The following CALN1 variants were observed in gnomAD, a reference collection of about 807,000 sequenced individuals.
CALN1 encodes calneuron 1.
CALN1 carries 17 observed loss-of-function variants against 30.6 expected under a neutral mutation model. The ratio of observed to expected loss-of-function variants is 0.56; its 90% CI spans 0.38 to 0.83. The LOEUF is 0.83. Ranked by LOEUF, CALN1 falls within the 40% of genes least tolerant of loss-of-function variation. CALN1 has a pLI of 0.00. For missense variants in CALN1, 291 were observed against 354.9 expected (o/e 0.82, Z 1.45); for synonymous variants, 156 against 131.4 (o/e 1.19, Z -1.28).
intron 1 of CALN1, among the ~76,000 whole-genome samples, chr7:72,410,130 G>A (rs895561474): frequency 2.6e-5 from 4 of 152,102 alleles, no homozygotes; most frequent in African/African-American, 7.2e-5. Context: ...CAAAAAAGAC[G>A]ACAGGGCAGA....
chr7:72,288,888 A>C (rs1318222061), intron 2 of CALN1, among the ~76,000 whole-genome samples: 2 of 152,192 alleles, frequency 1.3e-5, no homozygotes, highest in African/African-American at 4.8e-5. Context: ...TACTTATGTA[A>C]ACTTTTCCAC....
intron 3 of CALN1, among the ~76,000 whole-genome samples, chr7:72,220,950 G>T (rs973682249): frequency 1.3e-5 from 2 of 152,020 alleles, no homozygotes; most frequent in Non-Finnish European, 2.9e-5. Flanking sequence ...TTAGCCCTTT[G>T]TCAGATGAGT....
intron 3 of CALN1, among the ~76,000 whole-genome samples, chr7:72,160,165 A>G (rs1787996249): frequency 6.6e-6 from 1 of 152,198 alleles, no homozygotes; most frequent in South Asian, 2.1e-4. Context: ...GATGCTAGGG[A>G]GAGATTAGAT....
chr7:72,176,541 A>C (rs10224431), intron 3 of CALN1, among the ~76,000 whole-genome samples: 38,485 of 150,922 alleles, frequency 0.25, 6,051 homozygotes, highest in East Asian at 0.68. Context: ...TCTTTCTCCC[A>C]CTCTCGCCAT....
intron 6 of CALN1, among the ~76,000 whole-genome samples, chr7:71,790,192 A>G (rs1339958534): frequency 6.6e-6 from 1 of 151,330 alleles, no homozygotes; most frequent in Non-Finnish European, 1.5e-5. Flanking sequence ...AAGAAAGAGA[A>G]AGAGAGAAAC....
chr7:72,408,999 C>G (rs914672951), intron 1 of CALN1, among the ~76,000 whole-genome samples: 4 of 151,066 alleles, frequency 2.6e-5, no homozygotes, highest in Non-Finnish European at 1.5e-5. Flanking sequence ...TTTTTTGGGG[C>G]AGGGGGGCAG....
intron 3 of CALN1, among the ~76,000 whole-genome samples, chr7:72,245,119 C>A (rs1795073916): frequency 2.0e-5 from 3 of 152,180 alleles, no homozygotes; most frequent in African/African-American, 7.2e-5. Context: ...GTGACGTAGA[C>A]AGAACAATCC....
chr7:71,850,493 C>A (rs1055441494), intron 5 of CALN1, among the ~76,000 whole-genome samples: 6 of 152,224 alleles, frequency 3.9e-5, no homozygotes, highest in Admixed American at 3.9e-4. Flanking sequence ...GCTGGGATTA[C>A]AGGCGTGGGC....
intron 5 of CALN1, among the ~76,000 whole-genome samples, chr7:71,943,550 C>A (rs531921952): frequency 2.0e-5 from 3 of 147,614 alleles, no homozygotes; most frequent in Non-Finnish European, 4.6e-5. Context: ...AAGTCATTCT[C>A]GTGCCTCAGC....
intron 2 of CALN1, among the ~76,000 whole-genome samples, chr7:72,344,132 A>T (rs1802508123): frequency 6.6e-6 from 1 of 152,222 alleles, no homozygotes; most frequent in South Asian, 2.1e-4. Flanking sequence ...AGAGAGAGAC[A>T]GGGAGAAAAA....
chr7:72,384,410 A>C (rs368447553), intron 2 of CALN1, among the ~76,000 whole-genome samples: 1 of 152,232 alleles, frequency 6.6e-6, no homozygotes, highest in East Asian at 1.9e-4. Flanking sequence ...AAAAAGGTAA[A>C]GAAGAGAGGA....
At chr7:72,454,288 A>G in the CALN1 span, among the ~76,000 whole-genome samples, 1 of 152,292 alleles carries the variant, frequency 6.6e-6, no homozygotes, top group Non-Finnish European at 1.5e-5. Flanking sequence ...CTAAGAGATG[A>G]CTGTGGTGTC....
chr7:72,288,020 T>C (rs1157756806), intron 2 of CALN1, among the ~76,000 whole-genome samples: 2 of 151,890 alleles, frequency 1.3e-5, no homozygotes, highest in Non-Finnish European at 3.0e-5. Flanking sequence ...CCCTGAACTT[T>C]GTGGCTTAAA....
In CALN1 at chr7:71,780,048, T is replaced by C. The variant is rs1333144232; in HGVS notation, c.*7727A>G. On this transcript the variant is annotated 3_prime_UTR_variant, in exon 7 of 7. Transcript: ENST00000395275. The stretch of plus-strand genomic sequence containing the variant: ...GCGACCCCTCCTCCCCATCCAACAG[T>C]TGACAGTTCACCAACCCAATGCCTG... 1 of 152,210 alleles carries C rather than the reference T, an allele frequency of 6.6e-6. No homozygotes were observed. The highest frequency in any genetic ancestry group is 1.5e-5 in the Non-Finnish European group (1 of 68,042). The allele number at this position is 152,210 out of a possible 1,614,324, so 9.4% of individuals were successfully genotyped here. A position where few individuals can be genotyped will look rare whatever the true frequency, so the allele number is the denominator to read the frequency against.
intron 2 of CALN1, among the ~76,000 whole-genome samples, chr7:72,322,367 C>T (rs1033004763): frequency 6.6e-6 from 1 of 152,076 alleles, no homozygotes; most frequent in African/African-American, 2.4e-5. Context: ...GAAGCAGCAC[C>T]GCTCCCTTCC....
chr7:71,883,496 C>T (rs1792709139), intron 5 of CALN1, among the ~76,000 whole-genome samples: 1 of 152,118 alleles, frequency 6.6e-6, no homozygotes, highest in Non-Finnish European at 1.5e-5. Context: ...TTGTTAGGAA[C>T]ATAATGAGCA....
intron 3 of CALN1, among the ~76,000 whole-genome samples, chr7:72,267,308 C>G (rs1478857037): frequency 6.6e-6 from 1 of 152,130 alleles, no homozygotes; most frequent in African/African-American, 2.4e-5. Context: ...AGAGGGCCCT[C>G]CAGAGCTTAC....
chr7:72,400,668 G>C (rs997222129), intron 2 of CALN1, among the ~76,000 whole-genome samples: 1 of 152,134 alleles, frequency 6.6e-6, no homozygotes, highest in Non-Finnish European at 1.5e-5. Context: ...TCAGGGGTTT[G>C]AGACCAGCCT....
At chr7:72,059,638 T>A (rs1803510402) in intron 4 of CALN1, among the ~76,000 whole-genome samples, 1 of 145,738 alleles carries the variant, frequency 6.9e-6, no homozygotes, top group African/African-American at 2.4e-5. Context: ...GAACTCAGGG[T>A]ACCCACAGCA....
Sources: allele counts gnomAD v4.1 joint callset (sites outside exome capture counted in the v4.1 genomes callset), GRCh38; gene constraint gnomAD v4.1.1; transcripts MANE v1.5; gene names NCBI Gene and HGNC (gene_info 2026-07-23, HGNC 2026-07-21).